MAN1A1: variants seen among roughly 807,000 people sequenced by gnomAD.
MAN1A1 encodes mannosyl-oligosaccharide 1,2-alpha-mannosidase IA.
MAN1A1 carries 29 observed loss-of-function variants against 70.8 expected under a neutral mutation model. The observed-to-expected ratio is 0.41, with a 90% CI of 0.31 to 0.56. The LOEUF (loss-of-function observed/expected upper bound fraction) is 0.56. MAN1A1 is among the 20% of genes least tolerant of loss of function. The pLI is 0.29. For synonymous variants in MAN1A1, 349 were observed against 330.1 expected (o/e 1.06, Z -0.62); for missense variants, 747 against 841.3 (o/e 0.89, Z 1.39).
chr6:119,295,508 T>G (rs909435243), intron 4 of MAN1A1, among the ~76,000 whole-genome samples: 3 of 152,112 alleles, frequency 2.0e-5, no homozygotes, highest in African/African-American at 7.2e-5. Context: ...AGAGTCACAC[T>G]TATATTAGAA....
At chr6:119,291,189 T>G (rs1312912559) in intron 4 of MAN1A1, among the ~76,000 whole-genome samples, 1 of 151,902 alleles carries the variant, frequency 6.6e-6, no homozygotes, top group African/African-American at 2.4e-5. Context: ...TCTCACAAGA[T>G]CTGATGGTTT....
chr6:119,215,813 T>C (rs1774183734), intron 6 of MAN1A1, among the ~76,000 whole-genome samples: 1 of 152,184 alleles, frequency 6.6e-6, no homozygotes, highest in Non-Finnish European at 1.5e-5. Context: ...GGAATGCCAA[T>C]GTGAAAAATG....
chr6:119,187,734 A>G (rs1001819738), intron 11 of MAN1A1, among the ~76,000 whole-genome samples: 24 of 152,194 alleles, frequency 1.6e-4, no homozygotes, highest in Non-Finnish European at 2.5e-4. Context: ...AACTCTTACA[A>G]TTAGACAGAC....
chr6:119,265,178 GTA>G (rs1775719432), intron 5 of MAN1A1, among the ~76,000 whole-genome samples: 2 of 150,692 alleles, frequency 1.3e-5, no homozygotes, highest in African/African-American at 2.4e-5. Context: ...ATAGCTCACT[GTA>G]GCCTTGAAAG....
intron 7 of MAN1A1, among the ~76,000 whole-genome samples, chr6:119,204,147 AG>A (rs2114949306): frequency 1.3e-5 from 2 of 152,272 alleles, no homozygotes; most frequent in South Asian, 4.2e-4. Context: ...AGGAAGATGA[AG>A]GGGAGAATGG....
chr6:119,332,546 G>T (rs1257965400), intron 2 of MAN1A1, among the ~76,000 whole-genome samples: 1 of 152,220 alleles, frequency 6.6e-6, no homozygotes, highest in Non-Finnish European at 1.5e-5. Flanking sequence ...GCCGGGCACG[G>T]TGGCTCACGC....
chr6:119,320,186 C>CTGGT (rs765968280), intron 2 of MAN1A1, among the ~76,000 whole-genome samples: 1 of 152,132 alleles, frequency 6.6e-6, no homozygotes. Context: ...GTTGGCCAGG[C>CTGGT]TGGTCTCAGA....
At chr6:119,324,197 G>A (rs902588868) in intron 2 of MAN1A1, among the ~76,000 whole-genome samples, 3 of 152,104 alleles carry the variant, frequency 2.0e-5, no homozygotes, top group African/African-American at 7.2e-5. Flanking sequence ...TACTCAACAC[G>A]AAGACAAGGA....
Position 119,201,259 on chromosome 6 carries a change from C to T in MAN1A1, c.1205G>A (p.Gly402Asp). 1 of 1,610,790 alleles carries T rather than the reference C, an allele frequency of 6.2e-7. No individual in the cohort carries two copies. Among genetic ancestry groups the T allele is most frequent in the Non-Finnish European group, 8.5e-7 (1 of 1,176,992 alleles). Reference protein sequence around the residue: ...NYLNPSSGQWGQHHVSVGGLG... With the variant: ...NYLNPSSGQWDQHHVSVGGLG... ...ATGCAAATCTTCTGACTTACGTTGA[C>T]CCCACTGTCCACTACTGGGATTCAG... Residue 402 changes from glycine (G) to aspartate (D), a missense_variant, in exon 8 of 13, where the codon GGT (glycine) becomes GAT (aspartate). Coordinates refer to ENST00000368468, the MANE Select transcript of MAN1A1 (RefSeq NM_005907.4).
chr6:119,247,661 T>C (rs571226137), intron 6 of MAN1A1, among the ~76,000 whole-genome samples: 15 of 152,230 alleles, frequency 9.9e-5, no homozygotes, highest in African/African-American at 2.4e-4. Context: ...TCTTTTCCAA[T>C]TGGAGCCACA....
At chr6:119,236,945 C>T (rs1774862712) in intron 6 of MAN1A1, among the ~76,000 whole-genome samples, 1 of 152,020 alleles carries the variant, frequency 6.6e-6, no homozygotes, top group Non-Finnish European at 1.5e-5. Flanking sequence ...TTGATTCTAA[C>T]CATTCTAACC....
At chr6:119,233,595 CTTAAT>C (rs1774749614) in intron 6 of MAN1A1, among the ~76,000 whole-genome samples, 2 of 152,178 alleles carry the variant, frequency 1.3e-5, no homozygotes, top group South Asian at 4.1e-4. Context: ...ATGCAGGACT[CTTAAT>C]TAGAGTGCAA....
rs148718721 is a variant in MAN1A1, at chr6:119,240,158, G to A, written c.992+8102C>T. Among the ~76,000 whole-genome samples, 92 of 152,258 alleles carry A rather than the reference G, an allele frequency of 6.0e-4. 1 individual carries two copies. The highest frequency in any genetic ancestry group is 1.1e-3 in the Non-Finnish European group (76 of 68,026). On this transcript the variant is annotated intron_variant, in intron 6 of 12. Transcript: ENST00000368468. ...TTCTATTTGCCCAAAATTGAAGGGT[G>A]AGGAAGCCCTCTTAACAGACTTCCC...
At chr6:119,288,092 G>A (rs1271913151) in intron 5 of MAN1A1, among the ~76,000 whole-genome samples, 1 of 151,872 alleles carries the variant, frequency 6.6e-6, no homozygotes, top group Non-Finnish European at 1.5e-5. Context: ...GACTTCTGCT[G>A]GGATTCTTAA....
chr6:119,251,537 CT>C lies in MAN1A1; in HGVS notation c.898-3184del, dbSNP rs1394768892. Among the ~76,000 whole-genome samples, 13 of 152,350 alleles carry C rather than the reference CT, an allele frequency of 8.5e-5. No homozygotes were observed. The South Asian group carries it at 2.7e-3, about 32-fold the overall frequency. On this transcript the variant is annotated intron_variant, in intron 5 of 12. Coordinates refer to ENST00000368468, the MANE Select transcript of MAN1A1 (RefSeq NM_005907.4). ...CCAGGCCAAGACTCCAGGTCAAGAT[CT>C]TTGCCTTCTGTGAACTCCCACACTG...
chr6:119,248,178 TTATC>T (rs1775219013), intron 6 of MAN1A1, 78 bp downstream of exon 6: 1 of 874,052 alleles, frequency 1.1e-6, no homozygotes, highest in Non-Finnish European at 1.8e-6. Flanking sequence ...ATATAAGTAA[TTATC>T]TATCTAATGT....
chr6:119,252,215 T>TGCA (rs1775336313), intron 5 of MAN1A1, among the ~76,000 whole-genome samples: 1 of 152,230 alleles, frequency 6.6e-6, no homozygotes, highest in Admixed American at 6.5e-5. Context: ...TTGTGGTTTT[T>TGCA]GCATTGTTGG....
At chr6:119,199,984 C>T (rs6907205) in intron 8 of MAN1A1, among the ~76,000 whole-genome samples, 75,807 of 151,760 alleles carry the variant, frequency 0.5, 19,821 homozygotes, top group Non-Finnish European at 0.58. Context: ...GGTGTTTGTT[C>T]GCCTTTGTTC....
intron 6 of MAN1A1, among the ~76,000 whole-genome samples, chr6:119,233,087 T>G (rs1774733377): frequency 6.6e-6 from 1 of 152,202 alleles, no homozygotes; most frequent in South Asian, 2.1e-4. Flanking sequence ...ATTCTATAAT[T>G]TGAATCCCTT....
Sources: allele counts gnomAD v4.1 joint callset (sites outside exome capture counted in the v4.1 genomes callset), GRCh38; gene constraint gnomAD v4.1.1; transcripts MANE v1.5; gene names NCBI Gene and HGNC (gene_info 2026-07-23, HGNC 2026-07-21).